The following ARMH1 variants were observed in gnomAD, a reference collection of about 807,000 sequenced individuals.
The protein encoded by ARMH1 is armadillo-like helical domain containing protein 1.
ARMH1 carries 34 observed loss-of-function variants against 50.2 expected under a neutral mutation model. The observed-to-expected ratio is 0.68, with a 90% confidence interval of 0.51 to 0.90. The LOEUF (loss-of-function observed/expected upper bound fraction) is 0.90, where lower values mean the gene tolerates loss of function less well. Among genes scored for constraint, ARMH1 ranks in the 40% least tolerant of loss-of-function variants. The probability of loss-of-function intolerance (pLI) is 0.00; values close to 1 mark genes in which losing one functional copy is unlikely to be tolerated. For synonymous variants in ARMH1, 221 were observed against 224.2 expected, an observed-to-expected ratio of 0.99 and a Z score of 0.13; for missense variants, 538 against 553.9, an observed-to-expected ratio of 0.97 and a Z score of 0.29.
In ARMH1 at chr1:44,724,046, T is replaced by C; in HGVS notation, c.725-76T>C. 6.6e-7 allele frequency: 1 copy of C among 1,506,122 alleles called. No individual in the cohort carries two copies. The highest frequency in any genetic ancestry group is 8.9e-7 in the Non-Finnish European group (1 of 1,122,504). 93.3% of individuals were successfully genotyped at this position (1,506,122 alleles called of 1,614,324 possible). A position where few individuals can be genotyped will look rare whatever the true frequency, so the allele number is the denominator to read the frequency against. ...AGGAGGACACTGACGAGTGGCGACT[T>C]GGTTCACGGGGTTCTTTGCTTCCTC... On this transcript the variant is annotated intron_variant, in intron 6 of 11. Transcript: ENST00000535358. The surrounding 1 kb of genome is among the most constrained non-coding windows in gnomAD (Gnocchi z 6.4).
Position 44,703,965 on chromosome 1 carries a change from A to G in ARMH1, c.640-124A>G, listed in dbSNP as rs192524168. On this transcript the variant is annotated intron_variant, in intron 5 of 11. Transcript: ENST00000535358. ...ATGGTCTGGATCTCCTGACCTCGTGATCTGCCCACCTCGGCCTCCTAAAGT... is the reference window on the plus strand; with the variant it reads ...ATGGTCTGGATCTCCTGACCTCGTGGTCTGCCCACCTCGGCCTCCTAAAGT... The G allele has an allele frequency of 3.9e-4, 259 of 665,748 alleles. 3 individuals carry two copies. The East Asian group carries it at 7.6e-3, about 20-fold the overall frequency. The allele number at this position is 665,748 out of a possible 1,614,324, so 41.2% of individuals were successfully genotyped here.
rs1220483874 is a variant in ARMH1 at position 44,724,695 on chromosome 1, G to A, written c.1050+27G>A. On this transcript the variant is annotated intron_variant, in intron 9 of 11. Transcript: ENST00000535358. This position sits in a 1 kb window ranked among gnomAD's most constrained non-coding sequence, Gnocchi z 6.4. Reference sequence around the variant, plus strand: ...TGCGCGCGGCGGCTGGTTAGGGGGCGGGAAGGGCGGCGGCACCCGCAGCCC... The same window carrying A: ...TGCGCGCGGCGGCTGGTTAGGGGGCAGGAAGGGCGGCGGCACCCGCAGCCC... 1.4e-6 allele frequency: 2 copies of A among 1,480,652 alleles called. No homozygotes were observed. Among genetic ancestry groups the A allele is most frequent in the Non-Finnish European group, 1.8e-6 (2 of 1,123,002 alleles). The allele number at this position is 1,480,652 out of a possible 1,614,324, so 91.7% of individuals were successfully genotyped here. A position where few individuals can be genotyped will look rare whatever the true frequency, so the allele number is the denominator to read the frequency against.
At chr1:44,717,578 C>T (rs898234058) in intron 6 of ARMH1, among the ~76,000 whole-genome samples, 1 of 152,214 alleles carries the variant, frequency 6.6e-6, no homozygotes, top group Non-Finnish European at 1.5e-5. Context: ...TCATAAATGC[C>T]AGTTTCCCTA....
chr1:44,687,377 T>A (rs1471627791), intron 1 of ARMH1, among the ~76,000 whole-genome samples: 1 of 152,208 alleles, frequency 6.6e-6, no homozygotes, highest in East Asian at 1.9e-4. Flanking sequence ...ACATCCCGAG[T>A]TACTGATGGT....
chr1:44,697,253 C>A, intron 3 of ARMH1, 83 bp downstream of exon 3: 2 of 1,079,230 alleles, frequency 1.9e-6, no homozygotes, highest in Non-Finnish European at 2.8e-6. Context: ...CCACCCAGGG[C>A]CACGGATTCC....
intron 6 of ARMH1, among the ~76,000 whole-genome samples, chr1:44,706,150 C>T (rs1646332983): frequency 6.6e-6 from 1 of 152,154 alleles, no homozygotes; most frequent in Non-Finnish European, 1.5e-5. Flanking sequence ...GCAGTGCCTC[C>T]GAAGATGGCC....
intron 2 of ARMH1, among the ~76,000 whole-genome samples, chr1:44,695,339 C>T (rs1052030266): frequency 6.6e-6 from 1 of 152,220 alleles, no homozygotes; most frequent in Non-Finnish European, 1.5e-5. Flanking sequence ...CAGTGCCCCG[C>T]ACACAATAGG....
At chr1:44,721,581 A>G (rs1435143526) in intron 6 of ARMH1, among the ~76,000 whole-genome samples, 1 of 152,184 alleles carries the variant, frequency 6.6e-6, no homozygotes, top group Non-Finnish European at 1.5e-5. Context: ...ACATGACAGT[A>G]GGCCGGGCAC....
chr1:44,710,692 AGAT>A (rs1384427191), intron 6 of ARMH1, among the ~76,000 whole-genome samples: 1 of 152,134 alleles, frequency 6.6e-6, no homozygotes, highest in Non-Finnish European at 1.5e-5. Flanking sequence ...TTTTTAACTG[AGAT>A]GACATTCACA....
At chr1:44,703,711 G>A (rs1646200365) in intron 5 of ARMH1, among the ~76,000 whole-genome samples, 1 of 146,534 alleles carries the variant, frequency 6.8e-6, no homozygotes, top group South Asian at 2.3e-4. Context: ...CTGGGTGACA[G>A]AGTGGGAATA....
chr1:44,675,842 C>A (rs1573254144), intron 1 of ARMH1, among the ~76,000 whole-genome samples: 1 of 152,036 alleles, frequency 6.6e-6, no homozygotes, highest in South Asian at 2.1e-4. Context: ...CACCTGTAAT[C>A]CCAGCTACTT....
At chr1:44,710,120 A>G (rs1370229517) in intron 6 of ARMH1, among the ~76,000 whole-genome samples, 2 of 152,136 alleles carry the variant, frequency 1.3e-5, no homozygotes, top group East Asian at 3.8e-4. Flanking sequence ...ATGCTAGTGC[A>G]GGGAAACAGT....
In ARMH1 at chr1:44,724,989, T is replaced by C; in HGVS notation, c.1129-147T>C. ...GAGGGACTGCTCTGGCGTAGGCTCCTCCACCCGCCACCTTCCTGTTCCCTT... is the reference window on the plus strand; with the variant it reads ...GAGGGACTGCTCTGGCGTAGGCTCCCCCACCCGCCACCTTCCTGTTCCCTT... On this transcript the variant is annotated intron_variant, in intron 10 of 11. Transcript: ENST00000535358. The surrounding 1 kb of genome is among the most constrained non-coding windows in gnomAD (Gnocchi z 6.4). The C allele has an allele frequency of 6.7e-7, 1 of 1,502,538 alleles. No individual in the cohort carries two copies. Among genetic ancestry groups the C allele is most frequent in the South Asian group, 1.3e-5 (1 of 75,080 alleles). The allele number at this position is 1,502,538 out of a possible 1,614,324, so 93.1% of individuals were successfully genotyped here.
chr1:44,685,974 TGTG>T (rs1211403221), intron 1 of ARMH1, among the ~76,000 whole-genome samples: 1 of 152,102 alleles, frequency 6.6e-6, no homozygotes, highest in East Asian at 1.9e-4. Context: ...CAATCCAACA[TGTG>T]GTCAAAAACA....
Position 44,689,741 on chromosome 1 carries a change from G to A in ARMH1, c.44G>A (p.Ser15Asn), listed in dbSNP as rs1375098035. Reference protein sequence around the residue: ...KEQAAISRLLSFLQEWDNAGK... With the variant: ...KEQAAISRLLNFLQEWDNAGK... ...CAGGCAGCAATTAGCAGGCTCTTAAGTTTTTTACAGGAGTGGGACAACGCT... is the reference window on the plus strand; with the variant it reads ...CAGGCAGCAATTAGCAGGCTCTTAAATTTTTTACAGGAGTGGGACAACGCT... Residue 15 changes from serine to asparagine, a missense_variant, in exon 2 of 12, where the codon AGT (serine) becomes AAT (asparagine). Transcript: ENST00000535358. 53 of 1,551,890 alleles carry A rather than the reference G, an allele frequency of 3.4e-5. No individual in the cohort carries two copies. Among genetic ancestry groups the A allele is most frequent in the East Asian group, 9.8e-5 (4 of 40,938 alleles).
intron 6 of ARMH1, among the ~76,000 whole-genome samples, chr1:44,706,668 C>A (rs916885208): frequency 6.6e-6 from 1 of 152,164 alleles, no homozygotes; most frequent in Admixed American, 6.5e-5. Flanking sequence ...TTGACCCCTG[C>A]AAGGTCTGTG....
chr1:44,707,159 T>G (rs979753852), intron 6 of ARMH1, among the ~76,000 whole-genome samples: 10 of 143,652 alleles, frequency 7.0e-5, no homozygotes, highest in African/African-American at 2.3e-4. Context: ...TTACATAGAC[T>G]GTGTGCAATT....
At chr1:44,685,864 G>A (rs1044150730) in intron 1 of ARMH1, among the ~76,000 whole-genome samples, 10 of 152,090 alleles carry the variant, frequency 6.6e-5, no homozygotes, top group Non-Finnish European at 1.0e-4. Flanking sequence ...TTGACCTCGT[G>A]ATCTGCCTGC....
chr1:44,714,541 C>A, intron 6 of ARMH1, among the ~76,000 whole-genome samples: 1 of 151,150 alleles, frequency 6.6e-6, no homozygotes, highest in East Asian at 1.9e-4. Flanking sequence ...GCTGAGATCA[C>A]GCCATTGCAC....
Sources: gnomAD v4.1 joint callset for allele counts (sites outside exome capture counted in the v4.1 genomes callset) on GRCh38, gnomAD v4.1.1 for gene constraint, Gnocchi (gnomAD v3.1) non-coding constraint, MANE v1.5 for transcripts, NCBI Gene and HGNC (gene_info 2026-07-23, HGNC 2026-07-21) for gene names.